Variants in GRIP1 observed in about 807,000 individuals in gnomAD.
GRIP1 encodes glutamate receptor interacting protein 1, also known as glutamate receptor-interacting protein 1.
Under a neutral mutation model 129.9 loss-of-function variants are expected in GRIP1, and 45 were observed. The observed-to-expected ratio is 0.35, with a 90% confidence interval of 0.27 to 0.44. The LOEUF (loss-of-function observed/expected upper bound fraction) is 0.44. Ranked by LOEUF, GRIP1 falls within the 20% of genes least tolerant of loss-of-function variation. GRIP1 has a pLI of 1.00. For missense variants in GRIP1, 1,196 were observed against 1,396.8 expected (o/e 0.86, Z 2.29); for synonymous variants, 530 against 520.8 (o/e 1.02, Z -0.24).
chr12:67,054,797 C>T (rs545356831), intron 1 of GRIP1, among the ~76,000 whole-genome samples: 1 of 151,500 alleles, frequency 6.6e-6, no homozygotes, highest in African/African-American at 2.4e-5. Context: ...TATAGTACTC[C>T]AATATGTAGA....
chr12:66,752,255 G>A (rs185828542), intron 1 of GRIP1, among the ~76,000 whole-genome samples: 2 of 152,306 alleles, frequency 1.3e-5, no homozygotes. Context: ...AAGTGCACTG[G>A]TTGGGGTGTC....
chr12:66,547,180 T>C (rs988232855), intron 2 of GRIP1, among the ~76,000 whole-genome samples: 11 of 152,166 alleles, frequency 7.2e-5, no homozygotes, highest in African/African-American at 2.4e-4. Flanking sequence ...ACATTTTCCA[T>C]TGGGGAAATG....
intron 3 of GRIP1, among the ~76,000 whole-genome samples, chr12:66,541,456 C>A (rs1173267592): frequency 2.6e-5 from 4 of 152,222 alleles, no homozygotes; most frequent in Non-Finnish European, 5.9e-5. Flanking sequence ...TATGGGTCAT[C>A]TGTTTCACAT....
chr12:67,003,617 C>T (rs2042583206), intron 1 of GRIP1, among the ~76,000 whole-genome samples: 1 of 152,034 alleles, frequency 6.6e-6, no homozygotes, highest in Non-Finnish European at 1.5e-5. Context: ...TGCTTGAACC[C>T]AGGAGGCGGA....
At chr12:66,507,288 AT>A (rs1592450690) in intron 7 of GRIP1, among the ~76,000 whole-genome samples, 3 of 152,102 alleles carry the variant, frequency 2.0e-5, no homozygotes, top group Admixed American at 2.0e-4. Flanking sequence ...AATACAAAAA[AT>A]TAGCCGGGCA....
intron 23 of GRIP1, among the ~76,000 whole-genome samples, chr12:66,356,756 T>C (rs1281771680): frequency 6.6e-6 from 1 of 152,218 alleles, no homozygotes; most frequent in Non-Finnish European, 1.5e-5. Context: ...GATCACTTTC[T>C]TTCATAAACT....
At chr12:66,840,622 G>C (rs1417760824) in intron 1 of GRIP1, among the ~76,000 whole-genome samples, 3 of 152,082 alleles carry the variant, frequency 2.0e-5, no homozygotes, top group Admixed American at 2.0e-4. Flanking sequence ...TTACATCAGG[G>C]CATAATATTA....
intron 1 of GRIP1, among the ~76,000 whole-genome samples, chr12:66,729,444 C>T (rs1185872615): frequency 2.0e-5 from 3 of 152,160 alleles, no homozygotes; most frequent in Non-Finnish European, 2.9e-5. Context: ...ACATATTTCA[C>T]TTAACTCCTT....
intron 1 of GRIP1, among the ~76,000 whole-genome samples, chr12:66,981,668 G>T (rs1360900012): frequency 6.6e-6 from 1 of 152,126 alleles, no homozygotes; most frequent in Non-Finnish European, 1.5e-5. Flanking sequence ...CTAACCCAAA[G>T]ACAGTTTATA....
chr12:67,040,871 G>A (rs2043166720), intron 1 of GRIP1, among the ~76,000 whole-genome samples: 1 of 152,114 alleles, frequency 6.6e-6, no homozygotes, highest in East Asian at 1.9e-4. Flanking sequence ...TTTTATGAAG[G>A]TGTTTTTTGG....
At chr12:66,892,582 TTA>T (rs3051168) in intron 1 of GRIP1, among the ~76,000 whole-genome samples, 3 of 150,902 alleles carry the variant, frequency 2.0e-5, no homozygotes, top group Non-Finnish European at 4.4e-5. Context: ...ATTTACTCAC[TTA>T]TATATATATA....
chr12:66,907,334 T>C (rs111837415), intron 1 of GRIP1, among the ~76,000 whole-genome samples: 367 of 152,284 alleles, frequency 2.4e-3, no homozygotes, highest in African/African-American at 8.4e-3. Flanking sequence ...ACATTACTTA[T>C]AGTAATAGAA....
chr12:66,413,390 A>C (rs2057471103), intron 15 of GRIP1, among the ~76,000 whole-genome samples: 1 of 152,180 alleles, frequency 6.6e-6, no homozygotes. Flanking sequence ...GAAATCAAGA[A>C]GTTCTTTGAA....
chr12:66,942,940 G>A lies in GRIP1; in HGVS notation c.58+126110C>T, dbSNP rs531481693. On this transcript the variant is annotated intron_variant, in intron 1 of 1. Coordinates refer to the GRIP1 transcript ENST00000643019. ...GATGGCCATCTGTAAACCAGAAGGC[G>A]GGCCCTCACCAGACACTGGATCTGC... Among the ~76,000 whole-genome samples, 7 of 152,228 alleles carry A rather than the reference G, an allele frequency of 4.6e-5. No homozygotes were observed. In the East Asian group the frequency reaches 7.7e-4, roughly 17 times the overall value.
chr12:67,005,115 A>C (rs2042608239), intron 1 of GRIP1, among the ~76,000 whole-genome samples: 1 of 152,220 alleles, frequency 6.6e-6, no homozygotes, highest in African/African-American at 2.4e-5. Flanking sequence ...AGATCTGACC[A>C]AAGCAGTGAT....
intron 13 of GRIP1, among the ~76,000 whole-genome samples, chr12:66,435,582 A>G (rs1166678610): frequency 6.6e-6 from 1 of 152,220 alleles, no homozygotes; most frequent in Non-Finnish European, 1.5e-5. Flanking sequence ...GTACATATGT[A>G]TCTGTATATC....
chr12:66,499,280 CA>C (rs1239680547), intron 7 of GRIP1, among the ~76,000 whole-genome samples: 11 of 152,048 alleles, frequency 7.2e-5, no homozygotes, highest in African/African-American at 2.7e-4. Flanking sequence ...GTCTTTTTCT[CA>C]AAAAACAAGA....
In GRIP1 at chr12:66,695,751, G is replaced by A. The variant is rs1424412604; in HGVS notation, c.-419-65415C>T. On this transcript the variant is annotated intron_variant, in intron 1 of 4. Transcript: ENST00000538373. The stretch of plus-strand genomic sequence containing the variant: ...ACTTAATGAATATCTTTTCTGCAAT[G>A]TCATTTACATATGCAGGGTATCTTT... Among the ~76,000 whole-genome samples, 3 of 152,222 alleles carry A rather than the reference G, an allele frequency of 2.0e-5. No individual in the cohort carries two copies. In the South Asian group the frequency reaches 6.2e-4, roughly 32 times the overall value.
intron 11 of GRIP1, among the ~76,000 whole-genome samples, chr12:66,451,682 G>A (rs2058811242): frequency 6.6e-6 from 1 of 151,910 alleles, no homozygotes; most frequent in African/African-American, 2.4e-5. Flanking sequence ...GGAATAATGT[G>A]TTTTTATTAT....
Sources: gnomAD v4.1 joint callset for allele counts (sites outside exome capture counted in the v4.1 genomes callset) on GRCh38, gnomAD v4.1.1 for gene constraint, MANE v1.5 for transcripts, NCBI Gene and HGNC (gene_info 2026-07-23, HGNC 2026-07-21) for gene names.